DLGAP2: variants seen among roughly 807,000 people sequenced by gnomAD.
DLGAP2 encodes the protein disks large-associated protein 2.
A neutral mutation model predicts 100.3 loss-of-function variants in DLGAP2; 26 were observed. The observed-to-expected ratio is 0.26, with a 90% CI of 0.19 to 0.36. The LOEUF (loss-of-function observed/expected upper bound fraction) is 0.36, where lower values mean the gene tolerates loss of function less well. DLGAP2 is among the 10% of genes least tolerant of loss of function. DLGAP2 has a pLI of 1.00. For synonymous variants in DLGAP2, 886 were observed against 630.1 expected, an observed-to-expected ratio of 1.41 and a Z score of -6.08; for missense variants, 1,858 against 1,453.2, an observed-to-expected ratio of 1.28 and a Z score of -4.53.
intron 2 of DLGAP2, among the ~76,000 whole-genome samples, chr8:972,520 C>T (rs913588808): frequency 6.6e-6 from 1 of 152,312 alleles, no homozygotes; most frequent in South Asian, 2.1e-4. Flanking sequence ...ATGGTCTAAT[C>T]ATTAGACTGG....
chr8:1,295,024 A>AGG (rs1388097466), intron 3 of DLGAP2, among the ~76,000 whole-genome samples: 15 of 152,308 alleles, frequency 9.8e-5, no homozygotes, highest in African/African-American at 3.6e-4. Context: ...TGTTAATAGA[A>AGG]GGGTGATATC....
chr8:790,989 C>T (rs1323077381), intron 1 of DLGAP2, among the ~76,000 whole-genome samples: 6 of 152,090 alleles, frequency 3.9e-5, no homozygotes, highest in Non-Finnish European at 5.9e-5. Context: ...ATGATGCACC[C>T]GCCTCAGCCT....
At position 1,632,868 on chromosome 8, in the gene DLGAP2, C is replaced by T. The variant is rs771170255; in HGVS notation, c.1632C>T (p.Cys544=). The change falls in exon 8 of 15, where the codon TGC becomes TGT. Residue 544 remains cysteine (C), a synonymous_variant. Transcript: ENST00000637795. ...TCAATGGGCAATTCGAGTCCGTGTGCGAGTCCGTCTTCAGTGAAGTTGAAT... is the reference window on the plus strand; with the variant it reads ...TCAATGGGCAATTCGAGTCCGTGTGTGAGTCCGTCTTCAGTGAAGTTGAAT... The part of the protein sequence containing the change: ...AEINGQFESV[C]ESVFSEVESQ... 2.5e-5 allele frequency: 40 copies of T among 1,613,500 alleles called. No individual in the cohort carries two copies. The highest frequency in any genetic ancestry group is 1.0e-4 in the Admixed American group (6 of 59,970).
At chr8:1,635,976 T>C (rs909813963) in intron 8 of DLGAP2, among the ~76,000 whole-genome samples, 1 of 152,186 alleles carries the variant, frequency 6.6e-6, no homozygotes, top group Non-Finnish European at 1.5e-5. Context: ...AAGAACAGAA[T>C]ACCCTGTGAG....
intron 2 of DLGAP2, among the ~76,000 whole-genome samples, chr8:964,547 C>T (rs1304151905): frequency 6.6e-6 from 1 of 152,260 alleles, no homozygotes; most frequent in African/African-American, 2.4e-5. Context: ...AAACAGAGTC[C>T]TTGGGAAATG....
At chr8:1,379,815 C>G (rs942437744) in intron 3 of DLGAP2, 3 of 151,574 alleles carry the variant, frequency 2.0e-5, no homozygotes, top group African/African-American at 7.3e-5. Flanking sequence ...TGGTGGGGGT[C>G]TGCTGATTTC....
chr8:1,527,524 T>C (rs1039777664), intron 4 of DLGAP2, among the ~76,000 whole-genome samples: 1 of 152,236 alleles, frequency 6.6e-6, no homozygotes, highest in African/African-American at 2.4e-5. Flanking sequence ...TCAGCACAGA[T>C]TCATTGCCAT....
At chr8:1,037,442 C>T (rs544431596) in intron 2 of DLGAP2, among the ~76,000 whole-genome samples, 1 of 152,110 alleles carries the variant, frequency 6.6e-6, no homozygotes, top group Non-Finnish European at 1.5e-5. Flanking sequence ...AGCTCCTGCA[C>T]CCCCAGGGCC....
intron 2 of DLGAP2, among the ~76,000 whole-genome samples, chr8:1,093,654 C>T (rs867788322): frequency 6.6e-6 from 1 of 152,138 alleles, no homozygotes; most frequent in Non-Finnish European, 1.5e-5. Context: ...CACTAATAGC[C>T]AGACAGAAAC....
intron 2 of DLGAP2, among the ~76,000 whole-genome samples, chr8:1,021,770 C>T (rs764690947): frequency 6.6e-6 from 1 of 152,116 alleles, no homozygotes; most frequent in Non-Finnish European, 1.5e-5. Context: ...CTGTGGGACA[C>T]CCCAACCCAG....
chr8:761,190 C>G (rs539566658), intron 1 of DLGAP2, among the ~76,000 whole-genome samples: 18 of 152,168 alleles, frequency 1.2e-4, no homozygotes, highest in Admixed American at 3.9e-4. Flanking sequence ...TGCTCCCCCC[C>G]ACTTTACTTT....
At chr8:1,657,599 G>A (rs779117064) in intron 8 of DLGAP2, among the ~76,000 whole-genome samples, 16 of 152,184 alleles carry the variant, frequency 1.1e-4, no homozygotes, top group Non-Finnish European at 2.1e-4. Flanking sequence ...GCCATGTAGA[G>A]ATTTACAATT....
At chr8:1,360,404 GGAGTA>G (rs1485216468) in intron 3 of DLGAP2, among the ~76,000 whole-genome samples, 5 of 152,112 alleles carry the variant, frequency 3.3e-5, no homozygotes, top group Middle Eastern at 3.2e-3. Context: ...AGCCTGTGTT[GGAGTA>G]GAGTGCATGG....
intron 2 of DLGAP2, among the ~76,000 whole-genome samples, chr8:1,112,632 G>A (rs559463894): frequency 6.6e-6 from 1 of 152,178 alleles, no homozygotes; most frequent in African/African-American, 2.4e-5. Flanking sequence ...TGTCAGATGC[G>A]TAGTTTGCAA....
At chr8:973,723 A>T (rs1229774886) in intron 2 of DLGAP2, among the ~76,000 whole-genome samples, 1 of 152,172 alleles carries the variant, frequency 6.6e-6, no homozygotes, top group African/African-American at 2.4e-5. Context: ...CTTCTACTTT[A>T]TCGGATAGTG....
intron 2 of DLGAP2, among the ~76,000 whole-genome samples, chr8:1,227,050 T>C (rs1388435336): frequency 2.0e-5 from 3 of 148,724 alleles, no homozygotes; most frequent in African/African-American, 7.7e-5. Context: ...GAAATATATC[T>C]GCACTCCCTG....
At chr8:1,200,582 C>T (rs2044925) in intron 2 of DLGAP2, among the ~76,000 whole-genome samples, 23,684 of 152,220 alleles carry the variant, frequency 0.16, 1,976 homozygotes, top group Middle Eastern at 0.31. Flanking sequence ...CCCGCCTGCA[C>T]GTCCCACTGC....
At chr8:1,255,365 C>T (rs1278795976) in intron 2 of DLGAP2, among the ~76,000 whole-genome samples, 74 of 54,886 alleles carry the variant, frequency 1.3e-3, no homozygotes, top group African/African-American at 4.8e-3. Flanking sequence ...TGTGTGTGTG[C>T]CCTCTCATCC....
rs148994742 is a variant in DLGAP2 at position 1,481,760 on chromosome 8, G to C, written c.107-19606G>C. Among the ~76,000 whole-genome samples, 652 of 152,266 alleles carry C rather than the reference G, an allele frequency of 4.3e-3. 7 individuals are homozygous for C. The highest frequency in any genetic ancestry group is 0.015 in the African/African-American group (611 of 41,556). On this transcript the variant is annotated intron_variant, in intron 3 of 14. Coordinates refer to ENST00000637795, the MANE Select transcript of DLGAP2 (RefSeq NM_001346810.2). ...CCCAAAGTTCTGGGATTACAGGCAT[G>C]AGTCACCGCACCAGGCCAGATTTTA...
Sources: allele counts gnomAD v4.1 joint callset (sites outside exome capture counted in the v4.1 genomes callset), GRCh38; gene constraint gnomAD v4.1.1; transcripts MANE v1.5; gene names NCBI Gene and HGNC (gene_info 2026-07-23, HGNC 2026-07-21).